NCOA1: variants seen among roughly 807,000 people sequenced by gnomAD.
NCOA1 encodes Hin-2 protein.
In NCOA1, 35 loss-of-function variants were observed where a neutral mutation model predicts 150.9. The ratio of observed to expected loss-of-function variants is 0.23; its 90% CI spans 0.18 to 0.31. The LOEUF is 0.31. Among genes scored for constraint, NCOA1 ranks in the 10% least tolerant of loss-of-function variants. The probability of loss-of-function intolerance (pLI) is 1.00; values close to 1 mark genes in which losing one functional copy is unlikely to be tolerated. For missense variants in NCOA1, 1,491 were observed against 1,749.3 expected (o/e 0.85, Z 2.63); for synonymous variants, 590 against 630.0 (o/e 0.94, Z 0.95).
chr2:24,705,159 C>A lies in NCOA1; in HGVS notation c.1023C>A (p.His341Gln), dbSNP rs1306737534. 6.2e-7 allele frequency: 1 copy of A among 1,613,962 alleles called. No individual in the cohort carries two copies. Among genetic ancestry groups the A allele is most frequent in the Non-Finnish European group, 8.5e-7 (1 of 1,179,940 alleles). ...ATGATGGGACAATGCTTAGCGCCCA[C>A]ACCAAGTGTAAACTTTGCTACCCTC... ...ILNDGTMLSAHTKCKLCYPQS... is the reference protein window; with the variant it reads ...ILNDGTMLSAQTKCKLCYPQS... The change falls in exon 12 of 23, where the codon CAC becomes CAA. Residue 341 changes from histidine to glutamine, a missense_variant. By Grantham distance (24) the His-to-Gln change is conservative (BLOSUM62 0). Transcript: ENST00000348332.
intron 1 of NCOA1, among the ~76,000 whole-genome samples, chr2:24,535,134 T>C (rs1177690846): frequency 6.6e-6 from 1 of 152,228 alleles, no homozygotes; most frequent in Non-Finnish European, 1.5e-5. Context: ...TGGGTGCTCC[T>C]GTATTGGGTG....
intron 5 of NCOA1, among the ~76,000 whole-genome samples, chr2:24,665,266 A>T (rs1671365595): frequency 6.6e-6 from 1 of 152,168 alleles, no homozygotes; most frequent in African/African-American, 2.4e-5. Context: ...GGATCAACTA[A>T]TGGTTTAATC....
chr2:24,709,502 T>TA (rs1558305645), intron 13 of NCOA1, among the ~76,000 whole-genome samples: 1 of 152,224 alleles, frequency 6.6e-6, no homozygotes, highest in Non-Finnish European at 1.5e-5. Flanking sequence ...GACCATTTTT[T>TA]AATGTGTTTT....
intron 4 of NCOA1, among the ~76,000 whole-genome samples, chr2:24,654,828 C>G (rs1299502862): frequency 6.6e-6 from 1 of 151,878 alleles, no homozygotes; most frequent in East Asian, 1.9e-4. Flanking sequence ...GCTTTAAGGT[C>G]CTTCTACCTC....
chr2:24,514,112 C>T (rs994453142), intron 1 of NCOA1, among the ~76,000 whole-genome samples: 1 of 151,292 alleles, frequency 6.6e-6, no homozygotes, highest in African/African-American at 2.4e-5. Flanking sequence ...CACTGTGAAA[C>T]CCTGTCTCTA....
At chr2:24,491,725 C>T (rs948865704) in intron 1 of NCOA1, among the ~76,000 whole-genome samples, 123 bp downstream of exon 1, 9 of 151,374 alleles carry the variant, frequency 5.9e-5, no homozygotes, top group Admixed American at 1.3e-4. Flanking sequence ...TCTCCTTTCT[C>T]CCGCTCCATC....
chr2:24,727,499 G>T (rs56252501), intron 15 of NCOA1, among the ~76,000 whole-genome samples: 4,098 of 152,134 alleles, frequency 0.027, 59 homozygotes, highest in African/African-American at 0.039. Context: ...CTTACTCCCC[G>T]CAGGCAGCCA....
chr2:24,755,297 C>A (rs1664445014), intron 20 of NCOA1, among the ~76,000 whole-genome samples: 1 of 152,212 alleles, frequency 6.6e-6, no homozygotes, highest in Non-Finnish European at 1.5e-5. Context: ...TTAAACAAAC[C>A]TGTGGGTCCT....
chr2:24,576,152 T>TG (rs1558806414), intron 2 of NCOA1, among the ~76,000 whole-genome samples: 1 of 96,134 alleles, frequency 1.0e-5, no homozygotes, highest in Non-Finnish European at 2.1e-5. Flanking sequence ...GGCCTTTGTT[T>TG]TTTTTTTTTT....
chr2:24,689,917 A>T (rs754505732), intron 8 of NCOA1, among the ~76,000 whole-genome samples: 6 of 152,142 alleles, frequency 3.9e-5, no homozygotes, highest in Non-Finnish European at 4.4e-5. Flanking sequence ...ATCCTATATA[A>T]CTAAACCAGA....
intron 12 of NCOA1, among the ~76,000 whole-genome samples, chr2:24,705,825 A>T (rs1053031086): frequency 6.6e-6 from 1 of 152,272 alleles, no homozygotes; most frequent in Non-Finnish European, 1.5e-5. Context: ...CCCTCACTTC[A>T]TCTTTTTCTC....
chr2:24,577,476 T>C (rs185856021), intron 2 of NCOA1, among the ~76,000 whole-genome samples: 1 of 152,336 alleles, frequency 6.6e-6, no homozygotes, highest in African/African-American at 2.4e-5. Context: ...TCTTCCAAAT[T>C]CTGACATGCT....
rs57598398 is a variant in NCOA1, at chr2:24,629,817, C to CATATATATATATAT, written c.-174-14132_-174-14119dup. On this transcript the variant is annotated intron_variant, in intron 3 of 22. Coordinates refer to ENST00000348332, the MANE Select transcript of NCOA1 (RefSeq NM_003743.5). ...GACACTGTTTTAAGTAACATACATA[C>CATATATATATATAT]ATATATATATATATATATATATATA... Among the ~76,000 whole-genome samples the CATATATATATATAT allele has an allele frequency of 4.3e-3, 342 of 79,292 alleles. 3 individuals are homozygous for CATATATATATATAT. The highest frequency in any genetic ancestry group is 0.014 in the African/African-American group (317 of 22,230). 52.0% of individuals were successfully genotyped at this position (79,292 alleles called of 152,430 possible).
At chr2:24,516,805 T>C (rs1345327122) in intron 1 of NCOA1, among the ~76,000 whole-genome samples, 1 of 138,692 alleles carries the variant, frequency 7.2e-6, no homozygotes, top group Non-Finnish European at 1.5e-5. Context: ...CAATGTACTT[T>C]CCTATTTCTA....
chr2:24,631,738 T>A (rs12469978), intron 3 of NCOA1, among the ~76,000 whole-genome samples: 76,672 of 152,008 alleles, frequency 0.5, 21,097 homozygotes, highest in Admixed American at 0.66. Context: ...GGTGTCAGCT[T>A]GTGTGTACAG....
At chr2:24,709,500 T>C (rs1673627103) in intron 13 of NCOA1, among the ~76,000 whole-genome samples, 1 of 152,252 alleles carries the variant, frequency 6.6e-6, no homozygotes, top group African/African-American at 2.4e-5. Context: ...GTGACCATTT[T>C]TTAATGTGTT....
intron 22 of NCOA1, among the ~76,000 whole-genome samples, chr2:24,765,624 A>G (rs1408548147): frequency 6.6e-6 from 1 of 152,222 alleles, no homozygotes; most frequent in East Asian, 1.9e-4. Context: ...ACCATGTTTT[A>G]AAGTTCCAGA....
At chr2:24,535,637 C>G (rs1665100061) in intron 1 of NCOA1, among the ~76,000 whole-genome samples, 2 of 152,156 alleles carry the variant, frequency 1.3e-5, no homozygotes, top group Admixed American at 6.5e-5. Flanking sequence ...TCTTGTAAGG[C>G]AGGCCTGGTG....
At chr2:24,649,598 C>G (rs1343511282) in intron 4 of NCOA1, among the ~76,000 whole-genome samples, 1 of 152,190 alleles carries the variant, frequency 6.6e-6, no homozygotes, top group African/African-American at 2.4e-5. Flanking sequence ...TATTTTCCCT[C>G]AGTCGTGAAT....
Sources: gnomAD v4.1 joint callset for allele counts (sites outside exome capture counted in the v4.1 genomes callset) on GRCh38, gnomAD v4.1.1 for gene constraint, MANE v1.5 for transcripts, NCBI Gene and HGNC (gene_info 2026-07-23, HGNC 2026-07-21) for gene names.